The following NAV3 variants were observed in gnomAD, a reference collection of about 807,000 sequenced individuals.
NAV3 encodes the protein neuron navigator 3.
A neutral mutation model predicts 244.7 loss-of-function variants in NAV3; 87 were observed. The ratio of observed to expected loss-of-function variants is 0.36; its 90% CI spans 0.30 to 0.42. NAV3 has a LOEUF of 0.42. Among genes scored for constraint, NAV3 ranks in the 20% least tolerant of loss-of-function variants. The pLI is 1.00. For missense variants in NAV3, 2,663 were observed against 2,893.3 expected, an observed-to-expected ratio of 0.92 and a Z score of 1.83; for synonymous variants, 1,126 against 1,042.2, an observed-to-expected ratio of 1.08 and a Z score of -1.55.
intron 2 of NAV3, among the ~76,000 whole-genome samples, chr12:77,743,841 A>G (rs1167848388): frequency 6.6e-6 from 1 of 151,844 alleles, no homozygotes; most frequent in Non-Finnish European, 1.5e-5. Context: ...TGTGGAAACA[A>G]GAAGTATATT....
chr12:77,787,756 A>G (rs1199728760), intron 2 of NAV3, among the ~76,000 whole-genome samples: 2 of 152,176 alleles, frequency 1.3e-5, no homozygotes, highest in African/African-American at 4.8e-5. Flanking sequence ...CATGGGGAAA[A>G]CTGTTTATTT....
intron 1 of NAV3, among the ~76,000 whole-genome samples, chr12:77,847,402 GA>G (rs1475467916): frequency 9.2e-5 from 14 of 152,144 alleles, no homozygotes; most frequent in African/African-American, 3.1e-4. Flanking sequence ...ATCCCAGGCA[GA>G]AAATGAATTC....
rs939680350 is a variant in NAV3 at position 78,212,544 on chromosome 12, GT to G, written c.*2029del. 5 of 152,702 alleles carry G rather than the reference GT, an allele frequency of 3.3e-5. No homozygotes were observed. Among genetic ancestry groups the G allele is most frequent in the South Asian group, 2.1e-4 (1 of 4,822 alleles). The allele number at this position is 152,702 out of a possible 1,614,324, so 9.5% of individuals were successfully genotyped here. ...GAAGCCTCAAACATGGATCAAATCT[GT>G]TGTGAAACATCAATATATGTAGCTG... On this transcript the variant is annotated 3_prime_UTR_variant, in exon 40 of 40. Transcript: ENST00000397909.
At chr12:77,930,439 C>CT (rs35360446) in intron 1 of NAV3, among the ~76,000 whole-genome samples, 75,142 of 149,094 alleles carry the variant, frequency 0.5, 19,109 homozygotes, top group African/African-American at 0.62. Context: ...CTACATTTAC[C>CT]TTTTTTTTTT....
intron 39 of NAV3, among the ~76,000 whole-genome samples, chr12:78,208,597 C>T (rs972622480): frequency 3.7e-4 from 56 of 152,156 alleles, no homozygotes; most frequent in African/African-American, 1.2e-3. Flanking sequence ...GTAAATCCCA[C>T]GTATACATTT....
At position 78,029,131 on chromosome 12, in the gene NAV3, T is replaced by C. The variant is rs987134307; in HGVS notation, c.2023+7269T>C. On this transcript the variant is annotated intron_variant, in intron 9 of 39. Coordinates refer to ENST00000397909, the MANE Select transcript of NAV3 (RefSeq NM_001024383.2). ...TGAACCAGGTGGTGACTTTGAAGGA[T>C]TCCATATGTCAAATGAGAAAAACAA... Among the ~76,000 whole-genome samples the C allele has an allele frequency of 2.0e-5, 3 of 150,994 alleles. No individual in the cohort carries two copies. The East Asian group carries it at 5.8e-4, about 29-fold the overall frequency.
chr12:77,690,010 AT>A (rs1874931829), intron 2 of NAV3, among the ~76,000 whole-genome samples: 1 of 151,748 alleles, frequency 6.6e-6, no homozygotes, highest in Admixed American at 6.6e-5. Flanking sequence ...ATGAAATGGA[AT>A]AATTACCAAC....
intron 5 of NAV3, among the ~76,000 whole-genome samples, chr12:77,984,813 T>C (rs1018581174): frequency 6.6e-6 from 1 of 152,064 alleles, no homozygotes; most frequent in Non-Finnish European, 1.5e-5. Flanking sequence ...TATAAAATTA[T>C]AGGTTTTTTG....
intron 12 of NAV3, among the ~76,000 whole-genome samples, chr12:78,096,773 A>T (rs751772905): frequency 6.6e-6 from 1 of 152,138 alleles, no homozygotes; most frequent in African/African-American, 2.4e-5. Context: ...TTGGGTGGGG[A>T]TACCGCCAAA....
intron 8 of NAV3, among the ~76,000 whole-genome samples, chr12:78,017,964 C>G (rs536339349): frequency 6.6e-4 from 100 of 152,238 alleles, no homozygotes; most frequent in Admixed American, 2.1e-3. Context: ...AAACGGATGG[C>G]TTGTAACATC....
At chr12:78,193,279 T>G (rs1435060373) in intron 34 of NAV3, among the ~76,000 whole-genome samples, 1 of 152,190 alleles carries the variant, frequency 6.6e-6, no homozygotes, top group African/African-American at 2.4e-5. Context: ...ATATTTTGAT[T>G]GAGAGCAGTA....
At chr12:77,679,514 T>C (rs1238798804) in intron 2 of NAV3, among the ~76,000 whole-genome samples, 1 of 151,762 alleles carries the variant, frequency 6.6e-6, no homozygotes, top group African/African-American at 2.4e-5. Context: ...TACATAAGTC[T>C]GGATCTCAAA....
intron 2 of NAV3, among the ~76,000 whole-genome samples, chr12:77,787,769 T>C (rs1592682948): frequency 1.3e-5 from 2 of 152,250 alleles, no homozygotes. Context: ...GTTTATTTTA[T>C]GTAAATGTGA....
chr12:78,086,618 C>T (rs1953652161), intron 12 of NAV3, among the ~76,000 whole-genome samples: 1 of 151,938 alleles, frequency 6.6e-6, no homozygotes, highest in African/African-American at 2.4e-5. Flanking sequence ...AATGAGAAGT[C>T]TTATGGTAAT....
chr12:78,034,196 A>G (rs1360868641), intron 9 of NAV3, among the ~76,000 whole-genome samples: 1 of 152,202 alleles, frequency 6.6e-6, no homozygotes, highest in Non-Finnish European at 1.5e-5. Context: ...GATGTTTAGC[A>G]ACATCACTGG....
chr12:78,037,989 G>A (rs1156362373), intron 9 of NAV3, among the ~76,000 whole-genome samples: 2 of 152,118 alleles, frequency 1.3e-5, no homozygotes, highest in South Asian at 2.1e-4. Context: ...AGTTCTGCAT[G>A]TGCACATTAT....
intron 20 of NAV3, among the ~76,000 whole-genome samples, chr12:78,142,816 C>T (rs745439904): frequency 6.7e-6 from 1 of 149,984 alleles, no homozygotes; most frequent in Non-Finnish European, 1.5e-5. Context: ...ATTAGGTGAT[C>T]GAGCCACATG....
chr12:77,789,667 G>T (rs113505216), intron 2 of NAV3, among the ~76,000 whole-genome samples: 2,425 of 151,970 alleles, frequency 0.016, 67 homozygotes, highest in African/African-American at 0.054. Flanking sequence ...AAAAGCAGCC[G>T]GGTGTGGTGG....
intron 3 of NAV3, chr12:77,950,839 T>C (rs1322647120): frequency 1.3e-5 from 2 of 152,168 alleles, no homozygotes; most frequent in Non-Finnish European, 2.9e-5. Flanking sequence ...ATTTAATAAA[T>C]AGTGCTGGGA....
Sources: gnomAD v4.1 joint callset for allele counts (sites outside exome capture counted in the v4.1 genomes callset) on GRCh38, gnomAD v4.1.1 for gene constraint, MANE v1.5 for transcripts, NCBI Gene and HGNC (gene_info 2026-07-23, HGNC 2026-07-21) for gene names.